Variants in LRP1B observed in about 807,000 individuals in gnomAD.
The protein encoded by LRP1B is LDL receptor related protein 1B.
A neutral mutation model predicts 556.6 loss-of-function variants in LRP1B; 217 were observed. That is an observed-to-expected ratio of 0.39 (90% CI 0.35 to 0.44). LRP1B has a LOEUF of 0.44. Ranked by LOEUF, LRP1B falls within the 20% of genes least tolerant of loss-of-function variation. LRP1B has a pLI of 1.00. For synonymous variants in LRP1B, 2,047 were observed against 1,865.8 expected (o/e 1.10, Z -2.50); for missense variants, 5,053 against 5,620.8 (o/e 0.90, Z 3.23).
chr2:141,597,055 TACACACACACACAC>T (rs35647921), intron 2 of LRP1B, among the ~76,000 whole-genome samples: 3 of 147,364 alleles, frequency 2.0e-5, no homozygotes, highest in South Asian at 4.3e-4. Context: ...TCTGACATTT[TACACACACACACAC>T]ACACACACAC....
Position 140,476,905 on chromosome 2 carries a change from T to C in LRP1B, c.9426-1568A>G, listed in dbSNP as rs180957213. ...TGTTTTTGTATATACATATTAACTT[T>C]AAACATACTTTGAAAATCTCAAATT... On this transcript the variant is annotated intron_variant, in intron 59 of 90. Coordinates refer to ENST00000389484, the MANE Select transcript of LRP1B (RefSeq NM_018557.3). Among the ~76,000 whole-genome samples the C allele has an allele frequency of 2.5e-3, 384 of 152,170 alleles. 1 individual carries two copies. The highest frequency in any genetic ancestry group is 2.4e-3 in the Non-Finnish European group (163 of 67,906).
chr2:140,493,520 ATT>A (rs1201589290), intron 56 of LRP1B, among the ~76,000 whole-genome samples: 2 of 152,004 alleles, frequency 1.3e-5, no homozygotes, highest in African/African-American at 4.8e-5. Context: ...ATTTGACCAC[ATT>A]CTCAGTGGTT....
intron 47 of LRP1B, among the ~76,000 whole-genome samples, 169 bp downstream of exon 47, chr2:140,533,852 A>C (rs1425764542): frequency 6.6e-6 from 1 of 152,182 alleles, no homozygotes; most frequent in Non-Finnish European, 1.5e-5. Flanking sequence ...GAACACAGTC[A>C]GAATTTTCAA....
At chr2:140,752,574 C>T (rs1688619073) in intron 35 of LRP1B, among the ~76,000 whole-genome samples, 1 of 152,176 alleles carries the variant, frequency 6.6e-6, no homozygotes, top group Admixed American at 6.5e-5. Flanking sequence ...ATCCGCCTGC[C>T]TGGGCCTCCC....
At chr2:140,867,982 A>T (rs992153871) in intron 26 of LRP1B, 117 bp downstream of exon 26, 1 of 1,285,042 alleles carries the variant, frequency 7.8e-7, no homozygotes, top group Non-Finnish European at 1.0e-6. Context: ...CAAAAAAAAA[A>T]TACACCTCCA....
chr2:141,493,715 G>A (rs1159800966), intron 2 of LRP1B, among the ~76,000 whole-genome samples: 1 of 152,154 alleles, frequency 6.6e-6, no homozygotes, highest in Non-Finnish European at 1.5e-5. Context: ...GTACTGGGTA[G>A]CAGCCGTTTA....
rs756543814 is a variant in LRP1B, at chr2:140,884,033, G to A, written c.3965-12C>T. 6.2e-7 allele frequency: 1 copy of A among 1,611,486 alleles called. No homozygotes were observed. The highest frequency in any genetic ancestry group is 8.5e-7 in the Non-Finnish European group (1 of 1,179,362). The stretch of plus-strand genomic sequence containing the variant: ...AATGGCACTGACACCTACAAAAGAA[G>A]GAAAACCAACATGTGCACCCATTCA... On this transcript the variant is annotated splice_polypyrimidine_tract_variant and intron_variant, in intron 24 of 90. Coordinates refer to ENST00000389484, the MANE Select transcript of LRP1B (RefSeq NM_018557.3).
rs867417694 is a variant in LRP1B, at chr2:141,687,553, C to T, written c.205+122726G>A. ...TATTTCATAGCTGTTGGTTCTTGACCACATAGAGTCAGTTGAATAAAAGTT... is the reference window on the plus strand; with the variant it reads ...TATTTCATAGCTGTTGGTTCTTGACTACATAGAGTCAGTTGAATAAAAGTT... On this transcript the variant is annotated intron_variant, in intron 2 of 90. Coordinates refer to ENST00000389484, the MANE Select transcript of LRP1B (RefSeq NM_018557.3). Among the ~76,000 whole-genome samples, 16 of 151,844 alleles carry T rather than the reference C, an allele frequency of 1.1e-4. 1 individual carries two copies. Among genetic ancestry groups the T allele is most frequent in the Admixed American group, 2.0e-4 (3 of 15,192 alleles).
intron 1 of LRP1B, among the ~76,000 whole-genome samples, chr2:141,835,358 A>G (rs1697243966): frequency 1.3e-5 from 2 of 151,934 alleles, no homozygotes; most frequent in Admixed American, 6.6e-5. Flanking sequence ...AATCAGTTCC[A>G]CTATCACCCT....
chr2:140,962,744 A>G (rs779731295), intron 18 of LRP1B, among the ~76,000 whole-genome samples: 3 of 152,222 alleles, frequency 2.0e-5, no homozygotes, highest in Non-Finnish European at 4.4e-5. Context: ...AAACTACACA[A>G]TGCTGTGCTT....
intron 32 of LRP1B, among the ~76,000 whole-genome samples, chr2:140,798,926 C>T (rs1289173455): frequency 2.6e-5 from 4 of 152,138 alleles, no homozygotes; most frequent in Non-Finnish European, 5.9e-5. Flanking sequence ...CTCCATCACA[C>T]AGTTACTATG....
At chr2:141,537,972 TA>T (rs1395553499) in intron 2 of LRP1B, among the ~76,000 whole-genome samples, 2 of 152,194 alleles carry the variant, frequency 1.3e-5, no homozygotes, top group Admixed American at 1.3e-4. Context: ...ACCTGTAGGA[TA>T]AAAGTTTTCT....
At chr2:141,651,203 G>A (rs1473754667) in intron 2 of LRP1B, among the ~76,000 whole-genome samples, 4 of 151,998 alleles carry the variant, frequency 2.6e-5, no homozygotes, top group African/African-American at 7.3e-5. Context: ...TATGTCTACT[G>A]TAACTAGTGT....
intron 20 of LRP1B, among the ~76,000 whole-genome samples, chr2:140,932,842 C>T (rs1695088905): frequency 6.7e-6 from 1 of 149,238 alleles, no homozygotes; most frequent in African/African-American, 2.5e-5. Context: ...TGCCAGTACA[C>T]TCAATCCTGG....
intron 87 of LRP1B, among the ~76,000 whole-genome samples, chr2:140,245,969 T>A (rs1409967921): frequency 6.6e-6 from 1 of 151,374 alleles, no homozygotes; most frequent in African/African-American, 2.4e-5. Flanking sequence ...ATGCCCAGAC[T>A]GTCTATTCTA....
intron 86 of LRP1B, among the ~76,000 whole-genome samples, chr2:140,248,487 C>G (rs963313067): frequency 5.2e-4 from 79 of 151,664 alleles, no homozygotes; most frequent in African/African-American, 1.8e-3. Context: ...AAAAAGCTAA[C>G]ACATTATATA....
intron 43 of LRP1B, among the ~76,000 whole-genome samples, chr2:140,568,929 A>G (rs1281867085): frequency 1.3e-5 from 2 of 152,136 alleles, no homozygotes; most frequent in Non-Finnish European, 2.9e-5. Flanking sequence ...AATATTTCCC[A>G]GACAAGTGAA....
intron 6 of LRP1B, among the ~76,000 whole-genome samples, chr2:141,208,737 C>T (rs1682399257): frequency 6.6e-6 from 1 of 151,616 alleles, no homozygotes; most frequent in South Asian, 2.1e-4. Context: ...GGCGTAGTGG[C>T]AGGCGCCTGT....
Position 141,639,333 on chromosome 2 carries a change from T to C in LRP1B, c.206-158800A>G, listed in dbSNP as rs868488759. Among the ~76,000 whole-genome samples, 5 of 17,006 alleles carry C rather than the reference T, an allele frequency of 2.9e-4. 1 individual carries two copies. The highest frequency in any genetic ancestry group is 8.2e-4 in the Admixed American group (1 of 1,226). The allele number at this position is 17,006 out of a possible 152,430, so 11.2% of individuals were successfully genotyped here. ...ATATATATATATATATATATATATA[T>C]ATATATATATATATATACACACACA... On this transcript the variant is annotated intron_variant, in intron 2 of 90. Coordinates refer to ENST00000389484, the MANE Select transcript of LRP1B (RefSeq NM_018557.3).
Sources: allele counts gnomAD v4.1 joint callset (sites outside exome capture counted in the v4.1 genomes callset), GRCh38; gene constraint gnomAD v4.1.1; transcripts MANE v1.5; gene names NCBI Gene and HGNC (gene_info 2026-07-23, HGNC 2026-07-21).